TENM3: variants seen among roughly 807,000 people sequenced by gnomAD.
The protein encoded by TENM3 is teneurin-3.
Under a neutral mutation model 255.1 loss-of-function variants are expected in TENM3, and 63 were observed. That is an observed-to-expected ratio of 0.25 (90% CI 0.20 to 0.30). TENM3 has a LOEUF of 0.30. TENM3 is among the 10% of genes least tolerant of loss of function. The pLI is 1.00. For synonymous variants in TENM3, 1,306 were observed against 1,322.3 expected, an observed-to-expected ratio of 0.99 and a Z score of 0.27; for missense variants, 2,929 against 3,461.1, an observed-to-expected ratio of 0.85 and a Z score of 3.86.
chr4:182,281,448 T>G (rs1760378180), intron 1 of TENM3, among the ~76,000 whole-genome samples: 1 of 152,184 alleles, frequency 6.6e-6, no homozygotes, highest in Non-Finnish European at 1.5e-5. Context: ...AAAACAATAC[T>G]ACCATAGTCT....
chr4:182,733,939 A>G (rs1344614224), intron 16 of TENM3, among the ~76,000 whole-genome samples: 3 of 152,188 alleles, frequency 2.0e-5, no homozygotes, highest in African/African-American at 4.8e-5. Flanking sequence ...CAGATAGTCA[A>G]CAATTCCATG....
chr4:181,860,782 G>A, the TENM3 span, among the ~76,000 whole-genome samples: 5 of 152,272 alleles, frequency 3.3e-5, no homozygotes, highest in Non-Finnish European at 7.4e-5. Context: ...GAAATACTTA[G>A]AAGGAATCAT....
intron 4 of TENM3, among the ~76,000 whole-genome samples, chr4:182,605,847 G>A (rs1323704264): frequency 6.6e-6 from 1 of 152,136 alleles, no homozygotes. Flanking sequence ...AGAGTGAGAA[G>A]GGGCCATATC....
the TENM3 span, among the ~76,000 whole-genome samples, chr4:182,075,141 C>T: frequency 2.8e-4 from 43 of 151,342 alleles, no homozygotes; most frequent in Non-Finnish European, 4.9e-4. Context: ...TTTTCTCAGA[C>T]GTGGCAGAGT....
the TENM3 span, among the ~76,000 whole-genome samples, chr4:181,581,365 T>C: frequency 6.6e-6 from 1 of 152,122 alleles, no homozygotes; most frequent in East Asian, 1.9e-4. Context: ...CACTTGAACC[T>C]GGGAGGCGGA....
At chr4:182,053,754 G>A in the TENM3 span, among the ~76,000 whole-genome samples, 1 of 152,162 alleles carries the variant, frequency 6.6e-6, no homozygotes, top group Non-Finnish European at 1.5e-5. Context: ...CATCCTAGAG[G>A]CATTTAATCT....
intron 27 of TENM3, among the ~76,000 whole-genome samples, chr4:182,798,513 C>T (rs571718129): frequency 2.6e-5 from 4 of 152,210 alleles, no homozygotes; most frequent in Admixed American, 6.5e-5. Flanking sequence ...CACACAAGGA[C>T]GAAATGGCCT....
At chr4:181,479,789 G>A in the TENM3 span, among the ~76,000 whole-genome samples, 9 of 152,052 alleles carry the variant, frequency 5.9e-5, no homozygotes, top group South Asian at 2.1e-4. Flanking sequence ...AATTACATTC[G>A]AAGATGTCAG....
intron 4 of TENM3, among the ~76,000 whole-genome samples, chr4:182,606,794 T>G (rs190301308): frequency 3.0e-3 from 460 of 152,354 alleles, no homozygotes; most frequent in African/African-American, 0.011. Context: ...GATTGTTTAG[T>G]GGGCGTCACG....
intron 3 of TENM3, among the ~76,000 whole-genome samples, chr4:182,594,683 G>GGTGTGT (rs67667219): frequency 0.013 from 1,821 of 138,190 alleles, 23 homozygotes; most frequent in Middle Eastern, 0.033. Context: ...TTTTTGTTTT[G>GGTGTGT]GTGTGTGTGT....
At chr4:181,665,969 T>C in the TENM3 span, among the ~76,000 whole-genome samples, 2 of 152,292 alleles carry the variant, frequency 1.3e-5, no homozygotes, top group East Asian at 1.9e-4. Flanking sequence ...TCTTCCACAG[T>C]AGTGAATAGT....
At chr4:182,000,042 C>T in the TENM3 span, among the ~76,000 whole-genome samples, 4,988 of 152,194 alleles carry the variant, frequency 0.033, 253 homozygotes, top group African/African-American at 0.11. Flanking sequence ...CAATAGACTT[C>T]AGAGATTTTA....
At chr4:181,641,554 G>GTAAATATA in the TENM3 span, among the ~76,000 whole-genome samples, 1 of 26,910 alleles carries the variant, frequency 3.7e-5, no homozygotes, top group Non-Finnish European at 6.5e-5. Context: ...TGGTGTGTGT[G>GTAAATATA]TATATATATA....
At chr4:182,209,970 G>T (rs555358998) in intron 1 of TENM3, among the ~76,000 whole-genome samples, 1 of 152,132 alleles carries the variant, frequency 6.6e-6, no homozygotes, top group South Asian at 2.1e-4. Flanking sequence ...AGAGTGTGAG[G>T]TGTCTCCGCA....
chr4:181,537,344 A>G, the TENM3 span, among the ~76,000 whole-genome samples: 2 of 152,286 alleles, frequency 1.3e-5, no homozygotes, highest in East Asian at 1.9e-4. Flanking sequence ...TTTTCCTACC[A>G]CATACACACT....
chr4:181,582,973 G>A, the TENM3 span, among the ~76,000 whole-genome samples: 1 of 152,164 alleles, frequency 6.6e-6, no homozygotes, highest in South Asian at 2.1e-4. Flanking sequence ...TATTATGCAT[G>A]TAGCATTACT....
intron 3 of TENM3, among the ~76,000 whole-genome samples, chr4:182,470,205 G>A (rs1411574244): frequency 6.6e-6 from 1 of 152,176 alleles, no homozygotes; most frequent in African/African-American, 2.4e-5. Context: ...AAAATAATAT[G>A]TAAGTGTTCT....
the TENM3 span, among the ~76,000 whole-genome samples, chr4:181,746,707 T>C: frequency 6.6e-6 from 1 of 152,242 alleles, no homozygotes; most frequent in Admixed American, 6.5e-5. Context: ...CCTCTCTTTT[T>C]ATCATCTATC....
chr4:181,888,518 A>G, the TENM3 span, among the ~76,000 whole-genome samples: 1 of 90,898 alleles, frequency 1.1e-5, no homozygotes, highest in Non-Finnish European at 2.1e-5. Context: ...ATATATATGT[A>G]TATATATACA....
Sources: gnomAD v4.1 joint callset for allele counts (sites outside exome capture counted in the v4.1 genomes callset) on GRCh38, gnomAD v4.1.1 for gene constraint, MANE v1.5 for transcripts, NCBI Gene and HGNC (gene_info 2026-07-23, HGNC 2026-07-21) for gene names.